The following DLC1 variants were observed in gnomAD, a reference collection of about 807,000 sequenced individuals.
The protein encoded by DLC1 is DLC1 Rho GTPase activating protein.
DLC1 carries 54 observed loss-of-function variants against 140.3 expected under a neutral mutation model. The observed-to-expected ratio is 0.38, with a 90% CI of 0.31 to 0.48. The LOEUF is 0.48. Among genes scored for constraint, DLC1 ranks in the 20% least tolerant of loss-of-function variants. The pLI is 0.96. For missense variants in DLC1, 2,536 were observed against 1,907.0 expected, an observed-to-expected ratio of 1.33 and a Z score of -6.14; for synonymous variants, 986 against 728.1, an observed-to-expected ratio of 1.35 and a Z score of -5.70.
intron 4 of DLC1, among the ~76,000 whole-genome samples, chr8:13,386,309 G>C (rs889742940): frequency 6.6e-6 from 1 of 151,804 alleles, no homozygotes; most frequent in Non-Finnish European, 1.5e-5. Context: ...TATGAATTCT[G>C]CTCCAGATAC....
chr8:13,125,773 A>G (rs964645823), intron 5 of DLC1, among the ~76,000 whole-genome samples: 2 of 151,554 alleles, frequency 1.3e-5, no homozygotes, highest in Non-Finnish European at 2.9e-5. Context: ...TGAGATTTGG[A>G]GACATACATA....
chr8:13,567,421 A>T (rs556488896), intron 1 of DLC1: 3 of 1,551,884 alleles, frequency 1.9e-6, no homozygotes, highest in East Asian at 2.4e-5. Flanking sequence ...GAAGAAGACG[A>T]GCAGCAGACA....
At chr8:13,582,876 GTCTATA>G (rs1336616589) in intron 1 of DLC1, among the ~76,000 whole-genome samples, 3 of 41,986 alleles carry the variant, frequency 7.1e-5, no homozygotes, top group Admixed American at 3.3e-4. Context: ...ATATACTGTG[GTCTATA>G]TATATATATA....
chr8:13,174,966 C>G (rs1457112243), intron 5 of DLC1, among the ~76,000 whole-genome samples: 1 of 152,036 alleles, frequency 6.6e-6, no homozygotes, highest in Non-Finnish European at 1.5e-5. Flanking sequence ...ATGGTATTTC[C>G]TAGGTTTTCT....
At chr8:13,270,242 G>A (rs143625575) in intron 5 of DLC1, among the ~76,000 whole-genome samples, 2 of 152,076 alleles carry the variant, frequency 1.3e-5, no homozygotes, top group East Asian at 3.9e-4. Context: ...CCAGGCCTTC[G>A]ATTTTGGACA....
intron 5 of DLC1, among the ~76,000 whole-genome samples, chr8:13,183,207 G>T (rs1350276468): frequency 6.6e-6 from 1 of 152,204 alleles, no homozygotes; most frequent in Non-Finnish European, 1.5e-5. Context: ...AGCTTAAGGA[G>T]ATTTGGGGCT....
chr8:13,086,074 T>G, intron 17 of DLC1, 143 bp from the exon 18 acceptor site: 1 of 1,408,562 alleles, frequency 7.1e-7, no homozygotes, highest in Non-Finnish European at 9.4e-7. Flanking sequence ...GCTACCATAT[T>G]TGCTTTGCTT....
In DLC1 at chr8:13,231,556, A is replaced by G. The variant is rs566595951; in HGVS notation, c.1348+73713T>C. Among the ~76,000 whole-genome samples the G allele has an allele frequency of 7.9e-5, 12 of 152,368 alleles. 1 individual carries two copies. In the South Asian group the frequency reaches 2.5e-3, roughly 32 times the overall value. ...GAAGAAAACTTATAGAAGACAGACA[A>G]GCAAAGAGTTGAACTTTTCTTTCAT... On this transcript the variant is annotated intron_variant, in intron 5 of 17. Coordinates refer to ENST00000276297, the MANE Select transcript of DLC1 (RefSeq NM_182643.3).
Position 13,514,768 on chromosome 8 carries a change from A to G in DLC1, c.-292T>C. On this transcript the variant is annotated 5_prime_UTR_variant, in exon 1 of 18. Coordinates refer to ENST00000276297, the MANE Select transcript of DLC1 (RefSeq NM_182643.3). ...CGCAGTGTGTGAGTCTAACAAAAACACCCTCTGCAGCTGGAGGGAGCCTTA... is the reference window on the plus strand; with the variant it reads ...CGCAGTGTGTGAGTCTAACAAAAACGCCCTCTGCAGCTGGAGGGAGCCTTA... 1 of 397,302 alleles carries G rather than the reference A, an allele frequency of 2.5e-6. No homozygotes were observed. Among genetic ancestry groups the G allele is most frequent in the Non-Finnish European group, 4.4e-6 (1 of 225,364 alleles). 24.6% of individuals were successfully genotyped at this position (397,302 alleles called of 1,614,324 possible). A position where few individuals can be genotyped will look rare whatever the true frequency, so the allele number is the denominator to read the frequency against.
At chr8:13,402,337 T>A (rs1837334491) in intron 2 of DLC1, among the ~76,000 whole-genome samples, 1 of 152,210 alleles carries the variant, frequency 6.6e-6, no homozygotes, top group South Asian at 2.1e-4. Context: ...ATAGAGCATA[T>A]AGAGTTACTT....
chr8:13,085,730 A>G lies in DLC1; in HGVS notation c.*81T>C, dbSNP rs1417851345. On this transcript the variant is annotated 3_prime_UTR_variant, in exon 18 of 18. Transcript: ENST00000276297. ...AGTTTTCTTTGTTTCAGGATTAGACACAGAACCCATTCTTCAAGGACTGGC... is the reference window on the plus strand; with the variant it reads ...AGTTTTCTTTGTTTCAGGATTAGACGCAGAACCCATTCTTCAAGGACTGGC... 1 of 1,594,922 alleles carries G rather than the reference A, an allele frequency of 6.3e-7. No homozygotes were observed. Among genetic ancestry groups the G allele is most frequent in the Non-Finnish European group, 8.5e-7 (1 of 1,170,034 alleles).
intron 5 of DLC1, among the ~76,000 whole-genome samples, chr8:13,257,910 CT>C (rs1159947033): frequency 6.6e-6 from 1 of 152,110 alleles, no homozygotes; most frequent in Admixed American, 6.6e-5. Flanking sequence ...AATGAAAAAG[CT>C]GTTTTCTAGC....
At chr8:13,498,279 G>T (rs1366649396) in intron 2 of DLC1, among the ~76,000 whole-genome samples, 1 of 152,154 alleles carries the variant, frequency 6.6e-6, no homozygotes, top group East Asian at 1.9e-4. Context: ...CTATAGAAAA[G>T]ACAGGTTTTG....
intron 4 of DLC1, among the ~76,000 whole-genome samples, chr8:13,315,855 G>C (rs1028066980): frequency 7.9e-5 from 12 of 152,080 alleles, no homozygotes; most frequent in Admixed American, 1.3e-4. Context: ...GTTCATTTTT[G>C]GTGACAAAGT....
chr8:13,529,808 T>A (rs1458427586), intron 1 of DLC1, among the ~76,000 whole-genome samples: 1 of 152,166 alleles, frequency 6.6e-6, no homozygotes, highest in Non-Finnish European at 1.5e-5. Flanking sequence ...CAAATATTTG[T>A]TACTCTCCTG....
intron 5 of DLC1, among the ~76,000 whole-genome samples, chr8:13,155,406 A>C (rs1824181762): frequency 6.6e-6 from 1 of 151,946 alleles, no homozygotes; most frequent in African/African-American, 2.4e-5. Flanking sequence ...TCTTAGTTTT[A>C]GAGTCTTAAG....
chr8:13,428,234 G>T (rs1212321650), intron 2 of DLC1, among the ~76,000 whole-genome samples: 2 of 152,178 alleles, frequency 1.3e-5, no homozygotes, highest in Non-Finnish European at 2.9e-5. Flanking sequence ...CATGGCAAGA[G>T]ACGCTGTGTG....
At chr8:13,196,126 ACACG>A (rs1287197091) in intron 5 of DLC1, among the ~76,000 whole-genome samples, 1 of 150,082 alleles carries the variant, frequency 6.7e-6, no homozygotes, top group Admixed American at 6.6e-5. Flanking sequence ...ACACACACAC[ACACG>A]TGAACTCGAA....
At chr8:13,413,287 A>C (rs1244333920) in intron 2 of DLC1, among the ~76,000 whole-genome samples, 1 of 31,238 alleles carries the variant, frequency 3.2e-5, no homozygotes, top group African/African-American at 9.3e-5. Context: ...TAGCTCATCA[A>C]CTATCGTTAG....
Sources: gnomAD v4.1 joint callset for allele counts (sites outside exome capture counted in the v4.1 genomes callset) on GRCh38, gnomAD v4.1.1 for gene constraint, MANE v1.5 for transcripts, NCBI Gene and HGNC (gene_info 2026-07-23, HGNC 2026-07-21) for gene names.